Variants in SYT13 observed in about 807,000 individuals in gnomAD.
SYT13 encodes the protein synaptotagmin-13.
SYT13 carries 21 observed loss-of-function variants against 38.6 expected under a neutral mutation model. That is an observed-to-expected ratio of 0.54 (90% CI 0.39 to 0.78). The LOEUF is 0.78. Among genes scored for constraint, SYT13 ranks in the 30% least tolerant of loss-of-function variants. The pLI, the probability that SYT13 is intolerant of heterozygous loss-of-function variation, is 0.00. For synonymous variants in SYT13, 241 were observed against 237.6 expected, an observed-to-expected ratio of 1.01 and a Z score of -0.13; for missense variants, 495 against 548.7, an observed-to-expected ratio of 0.90 and a Z score of 0.98.
At chr11:45,280,915 C>T (rs1252183444) in intron 1 of SYT13, among the ~76,000 whole-genome samples, 1 of 152,184 alleles carries the variant, frequency 6.6e-6, no homozygotes, top group South Asian at 2.1e-4. Flanking sequence ...GAAATTCAGG[C>T]CATGAGGGCT....
At chr11:45,285,452 A>C (rs1303052528) in intron 1 of SYT13, among the ~76,000 whole-genome samples, 1 of 152,078 alleles carries the variant, frequency 6.6e-6, no homozygotes, top group Non-Finnish European at 1.5e-5. Flanking sequence ...TCCCGGATTC[A>C]GCTCTCTAGA....
intron 1 of SYT13, among the ~76,000 whole-genome samples, chr11:45,259,476 T>C (rs1264086747): frequency 6.6e-6 from 1 of 152,156 alleles, no homozygotes; most frequent in Non-Finnish European, 1.5e-5. Flanking sequence ...TCTGCCTTCC[T>C]CCCTCCTCAG....
At chr11:45,263,584 T>G (rs1854845995) in intron 1 of SYT13, among the ~76,000 whole-genome samples, 1 of 152,198 alleles carries the variant, frequency 6.6e-6, no homozygotes, top group Non-Finnish European at 1.5e-5. Flanking sequence ...ATTCAGATGA[T>G]GCCAACCATG....
chr11:45,269,692 T>C (rs1220901041), intron 1 of SYT13, among the ~76,000 whole-genome samples: 4 of 152,344 alleles, frequency 2.6e-5, no homozygotes, highest in Middle Eastern at 3.4e-3. Flanking sequence ...ACATAGCTAA[T>C]ATATGAAAAC....
At chr11:45,276,368 T>C (rs1472896234) in intron 1 of SYT13, among the ~76,000 whole-genome samples, 1 of 152,022 alleles carries the variant, frequency 6.6e-6, no homozygotes, top group Non-Finnish European at 1.5e-5. Context: ...CACTCATAAG[T>C]GAGAGTTGAA....
At chr11:45,269,324 AAAACAAACAAAAAAACAAAACAAAC>A in intron 1 of SYT13, 1 of 716,276 alleles carries the variant, frequency 1.4e-6, no homozygotes, top group South Asian at 2.2e-5. Context: ...AATTATTAAA[AAAACAAACAAAAAAACAAAACAAAC>A]AAACAAACAA....
At chr11:45,265,067 T>C (rs185696422) in intron 1 of SYT13, among the ~76,000 whole-genome samples, 1 of 152,376 alleles carries the variant, frequency 6.6e-6, no homozygotes, top group African/African-American at 2.4e-5. Context: ...TGACTCATCC[T>C]AGCCAAACGC....
chr11:45,272,277 G>A (rs1854958886), intron 1 of SYT13, among the ~76,000 whole-genome samples: 1 of 152,090 alleles, frequency 6.6e-6, no homozygotes, highest in Non-Finnish European at 1.5e-5. Flanking sequence ...AAACCACTGT[G>A]GCATGTGTAT....
At chr11:45,279,916 C>A (rs994028828) in intron 1 of SYT13, among the ~76,000 whole-genome samples, 1 of 152,158 alleles carries the variant, frequency 6.6e-6, no homozygotes, top group African/African-American at 2.4e-5. Context: ...GAAAAAACAA[C>A]CTGCACTGGA....
At chr11:45,267,390 C>T (rs1341968613) in intron 1 of SYT13, among the ~76,000 whole-genome samples, 2 of 152,206 alleles carry the variant, frequency 1.3e-5, no homozygotes, top group Non-Finnish European at 2.9e-5. Context: ...GTCAGGGAAA[C>T]GGGACTGTCA....
At chr11:45,279,651 A>C (rs78800002) in intron 1 of SYT13, among the ~76,000 whole-genome samples, 12,774 of 152,252 alleles carry the variant, frequency 0.084, 1,448 homozygotes, top group African/African-American at 0.26. Context: ...GAACTTGATA[A>C]ATGTTAGCTA....
chr11:45,285,084 A>G (rs1855118120), intron 1 of SYT13, among the ~76,000 whole-genome samples: 1 of 152,190 alleles, frequency 6.6e-6, no homozygotes, highest in Non-Finnish European at 1.5e-5. Context: ...AGGTCCTTTA[A>G]GTCATGCCCC....
At chr11:45,253,893 G>A (rs1329586083) in intron 3 of SYT13, 1 of 157,104 alleles carries the variant, frequency 6.4e-6, no homozygotes, top group African/African-American at 2.4e-5. Context: ...CGGAAGTGAC[G>A]TCCACCAAGT....
At chr11:45,280,587 C>T (rs1489831415) in intron 1 of SYT13, among the ~76,000 whole-genome samples, 3 of 152,272 alleles carry the variant, frequency 2.0e-5, no homozygotes, top group South Asian at 4.1e-4. Flanking sequence ...ACCTCTGTAA[C>T]CAGCACCCAC....
intron 1 of SYT13, among the ~76,000 whole-genome samples, chr11:45,275,288 G>A (rs747045526): frequency 6.6e-6 from 1 of 152,166 alleles, no homozygotes; most frequent in Admixed American, 6.5e-5. Flanking sequence ...GATAGGGAGA[G>A]GAATCAATGA....
At chr11:45,249,661 A>T (rs1854650452) in intron 4 of SYT13, among the ~76,000 whole-genome samples, 1 of 152,070 alleles carries the variant, frequency 6.6e-6, no homozygotes, top group South Asian at 2.1e-4. Context: ...TGAAAACCAA[A>T]CACCACATGT....
At chr11:45,284,379 G>A (rs900938380) in intron 1 of SYT13, among the ~76,000 whole-genome samples, 9 of 152,092 alleles carry the variant, frequency 5.9e-5, no homozygotes, top group African/African-American at 2.2e-4. Context: ...TCATTCTATG[G>A]CTCCCTCACT....
At chr11:45,285,005 T>TG (rs1369982783) in intron 1 of SYT13, among the ~76,000 whole-genome samples, 1 of 152,174 alleles carries the variant, frequency 6.6e-6, no homozygotes, top group Non-Finnish European at 1.5e-5. Flanking sequence ...AAAAGGAAGA[T>TG]GGAGTCACAG....
At chr11:45,271,433 C>T (rs1292860777) in intron 1 of SYT13, among the ~76,000 whole-genome samples, 1 of 151,990 alleles carries the variant, frequency 6.6e-6, no homozygotes, top group African/African-American at 2.4e-5. Context: ...GAGAGAGAGG[C>T]ATCTCAAATT....
Sources: gnomAD v4.1 joint callset for allele counts (sites outside exome capture counted in the v4.1 genomes callset) on GRCh38, gnomAD v4.1.1 for gene constraint, MANE v1.5 for transcripts, NCBI Gene and HGNC (gene_info 2026-07-23, HGNC 2026-07-21) for gene names.